Variants in EDC3 observed in about 807,000 individuals in gnomAD.
EDC3 encodes enhancer of mRNA-decapping protein 3.
EDC3 carries 20 observed loss-of-function variants against 41.8 expected under a neutral mutation model. The ratio of observed to expected loss-of-function variants is 0.48; its 90% confidence interval spans 0.34 to 0.70. EDC3 has a LOEUF of 0.70. EDC3 is among the 30% of genes least tolerant of loss of function. The probability of loss-of-function intolerance (pLI) is 0.01; values close to 1 mark genes in which losing one functional copy is unlikely to be tolerated. For missense variants in EDC3, 444 were observed against 636.8 expected, an observed-to-expected ratio of 0.70 and a Z score of 3.26; for synonymous variants, 206 against 243.2, an observed-to-expected ratio of 0.85 and a Z score of 1.42.
intron 4 of EDC3, chr15:74,641,248 T>C (rs2062348209): frequency 6.5e-6 from 1 of 152,754 alleles, no homozygotes; most frequent in African/African-American, 2.4e-5. Flanking sequence ...CCCATCTGAG[T>C]TGGGTGTAAC....
intron 3 of EDC3, among the ~76,000 whole-genome samples, chr15:74,666,045 G>A (rs750012497): frequency 2.0e-5 from 3 of 151,922 alleles, no homozygotes; most frequent in Non-Finnish European, 2.9e-5. Context: ...CAACCTGCCC[G>A]TCCCAGCCTC....
In EDC3 at chr15:74,640,456, A is replaced by C; in HGVS notation, c.974+10T>G. The C allele has an allele frequency of 6.2e-7, 1 of 1,613,430 alleles. No homozygotes were observed. Among genetic ancestry groups the C allele is most frequent in the Non-Finnish European group, 8.5e-7 (1 of 1,179,824 alleles). On this transcript the variant is annotated intron_variant, in intron 5 of 6. Transcript: ENST00000315127. ...CCACATTGAGTCCCTGCCAGTTTAT[A>C]GACATTTACCTGTTAGGTCCTCCGA...
intron 1 of EDC3, among the ~76,000 whole-genome samples, chr15:74,690,555 G>A (rs555497255): frequency 1.3e-5 from 2 of 152,342 alleles, no homozygotes; most frequent in Admixed American, 6.5e-5. Context: ...AGCTGTGGAT[G>A]AGTGAGTAGT....
Position 74,630,588 on chromosome 15 carries a change from T to C in EDC3, c.*2024A>G, listed in dbSNP as rs943373657. The C allele has an allele frequency of 1.3e-5, 2 of 152,268 alleles. No individual in the cohort carries two copies. Among genetic ancestry groups the C allele is most frequent in the African/African-American group, 4.8e-5 (2 of 41,450 alleles). The allele number at this position is 152,268 out of a possible 1,614,324, so 9.4% of individuals were successfully genotyped here. On this transcript the variant is annotated 3_prime_UTR_variant, in exon 7 of 7. Coordinates refer to ENST00000315127, the MANE Select transcript of EDC3 (RefSeq NM_025083.5). ...CAGTCATTCAGCTTTATTTCAGTGC[T>C]GGTTTTTGGTTCCCTAAGAGCTGCA...
intron 4 of EDC3, among the ~76,000 whole-genome samples, chr15:74,654,012 G>T (rs1232854681): frequency 6.6e-6 from 1 of 152,038 alleles, no homozygotes; most frequent in Non-Finnish European, 1.5e-5. Context: ...CAGCGCTTTG[G>T]GAGGCCAAAG....
chr15:74,691,456 G>T lies in EDC3; in HGVS notation c.-19+4424C>A, dbSNP rs141075601. The stretch of plus-strand genomic sequence containing the variant: ...CCAGAAAGAATACCGATCACATAGG[G>T]AACTTAAGTTATGGCGCTGTGAGGG... On this transcript the variant is annotated intron_variant, in intron 1 of 6. Transcript: ENST00000315127. Among the ~76,000 whole-genome samples the T allele has an allele frequency of 2.6e-4, 39 of 152,262 alleles. 1 individual carries two copies. In the East Asian group the frequency reaches 7.5e-3, roughly 29 times the overall value.
At position 74,655,862 on chromosome 15, in the gene EDC3, T is replaced by C. The variant is rs753487087; in HGVS notation, c.691A>G (p.Thr231Ala). Reference protein sequence around the residue: ...EIDTYERRSGTRSRGIPNERP... With the variant: ...EIDTYERRSGARSRGIPNERP... ...TCATTTGGGATGCCCCGGGAACGGG[T>C]ACCACTTCTCCTTTCATAGGTATCA... Residue 231 changes from threonine (T) to alanine (A), a missense_variant, in exon 4 of 7, where the codon ACC (threonine) becomes GCC (alanine). By Grantham distance (58) the Thr-to-Ala change is moderately conservative. Around this residue, in one of 3 missense-constraint regions of EDC3, gnomAD observed 242 missense variants for 363.8 expected, o/e 0.67. Coordinates refer to ENST00000315127, the MANE Select transcript of EDC3 (RefSeq NM_025083.5). 1.9e-6 allele frequency: 3 copies of C among 1,613,928 alleles called. No individual in the cohort carries two copies. Among genetic ancestry groups the C allele is most frequent in the East Asian group, 4.5e-5 (2 of 44,896 alleles).
At position 74,654,037 on chromosome 15, in the gene EDC3, G is replaced by C. The variant is rs551502108; in HGVS notation, c.820+1696C>G. Among the ~76,000 whole-genome samples the C allele has an allele frequency of 5.9e-5, 9 of 152,192 alleles. No individual in the cohort carries two copies. In the South Asian group the frequency reaches 1.7e-3, roughly 28 times the overall value. On this transcript the variant is annotated intron_variant, in intron 4 of 6. Transcript: ENST00000315127. Reference sequence around the variant, plus strand: ...GGAGGCCAAAGCAGGTGGATCACGAGGTCAGGAGTTCAAGACCAGCCTGGC... The same window carrying C: ...GGAGGCCAAAGCAGGTGGATCACGACGTCAGGAGTTCAAGACCAGCCTGGC...
chr15:74,670,211 T>A (rs2141646936), intron 3 of EDC3, among the ~76,000 whole-genome samples: 1 of 152,056 alleles, frequency 6.6e-6, no homozygotes, highest in South Asian at 2.1e-4. Flanking sequence ...TACAAAACCA[T>A]CTAAGTAAAA....
intron 3 of EDC3, among the ~76,000 whole-genome samples, chr15:74,666,888 C>T (rs1024555888): frequency 1.3e-5 from 2 of 151,996 alleles, no homozygotes; most frequent in Non-Finnish European, 2.9e-5. Context: ...GGATGGAATG[C>T]AGAATGTGAT....
intron 3 of EDC3, among the ~76,000 whole-genome samples, chr15:74,660,615 G>A (rs1053202276): frequency 6.6e-6 from 1 of 151,892 alleles, no homozygotes; most frequent in Non-Finnish European, 1.5e-5. Flanking sequence ...GACAAGGGAA[G>A]AACAAAAGAA....
At chr15:74,686,636 C>G (rs138665537) in intron 1 of EDC3, among the ~76,000 whole-genome samples, 1 of 152,102 alleles carries the variant, frequency 6.6e-6, no homozygotes, top group African/African-American at 2.4e-5. Flanking sequence ...AAAAATTAGC[C>G]AGGTGTGGTG....
chr15:74,647,946 T>C (rs924190588), intron 4 of EDC3, among the ~76,000 whole-genome samples: 16 of 152,198 alleles, frequency 1.1e-4, no homozygotes, highest in African/African-American at 3.9e-4. Flanking sequence ...TTGTGGCACC[T>C]GATCTAATCC....
Position 74,635,552 on chromosome 15 carries a change from C to A in EDC3, c.1049G>T (p.Gly350Val), listed in dbSNP as rs746718574. 3.1e-6 allele frequency: 5 copies of A among 1,614,234 alleles called. No individual in the cohort carries two copies. Among genetic ancestry groups the A allele is most frequent in the East Asian group, 2.2e-5 (1 of 44,892 alleles). Reference sequence around the variant, plus strand: ...GGCTAGGTGCCTTCCACAGCTGATACCCTGAGCCCCCTTCACATGAGGTCC... The same window carrying A: ...GGCTAGGTGCCTTCCACAGCTGATAACCTGAGCCCCCTTCACATGAGGTCC... ...LCGPHVKGAQ[G>V]ISCGRHLANH... The change falls in exon 6 of 7, where the codon GGT (glycine) becomes GTT (valine). Residue 350 changes from glycine to valine, a missense_variant. Physicochemically the swap from Gly to Val is moderately radical, Grantham distance 109. Around this residue, in one of 3 missense-constraint regions of EDC3, gnomAD observed 242 missense variants for 363.8 expected, o/e 0.67. Coordinates refer to ENST00000315127, the MANE Select transcript of EDC3 (RefSeq NM_025083.5).
At chr15:74,664,884 A>G (rs913070338) in intron 3 of EDC3, among the ~76,000 whole-genome samples, 3 of 152,336 alleles carry the variant, frequency 2.0e-5, no homozygotes, top group Admixed American at 2.0e-4. Context: ...CCATCTTTCC[A>G]TTTAAAAGGT....
chr15:74,684,399 C>G (rs1223753709), intron 1 of EDC3, among the ~76,000 whole-genome samples: 2 of 146,578 alleles, frequency 1.4e-5, no homozygotes, highest in Non-Finnish European at 3.0e-5. Flanking sequence ...CTCCTGAGTT[C>G]AAGCTATCTG....
chr15:74,675,586 G>GT (rs772480443), intron 1 of EDC3, among the ~76,000 whole-genome samples: 4,000 of 139,202 alleles, frequency 0.029, 135 homozygotes, highest in African/African-American at 0.082. Context: ...CTGGATAGTT[G>GT]TTTTTTTTTT....
intron 6 of EDC3, among the ~76,000 whole-genome samples, 194 bp from the exon 7 acceptor site, chr15:74,633,140 A>G (rs565767981): frequency 1.3e-5 from 2 of 152,354 alleles, no homozygotes; most frequent in East Asian, 3.9e-4. Flanking sequence ...GCTGAGTGCT[A>G]GAGACCAAGT....
At chr15:74,685,478 T>C (rs2062925861) in intron 1 of EDC3, among the ~76,000 whole-genome samples, 1 of 152,196 alleles carries the variant, frequency 6.6e-6, no homozygotes, top group South Asian at 2.1e-4. Context: ...TGACATAGTC[T>C]TGTTCAGTCA....
Sources: allele counts gnomAD v4.1 joint callset (sites outside exome capture counted in the v4.1 genomes callset), GRCh38; gene constraint gnomAD v4.1.1; regional missense constraint gnomAD v4.1.1; transcripts MANE v1.5; gene names NCBI Gene and HGNC (gene_info 2026-07-23, HGNC 2026-07-21).